Variants in TENM4 observed in about 807,000 individuals in gnomAD.
TENM4 encodes the protein teneurin transmembrane protein 4, also known as teneurin-4.
In TENM4, 82 loss-of-function variants were observed where a neutral mutation model predicts 243.3. That is an observed-to-expected ratio of 0.34 (90% CI 0.28 to 0.40). TENM4 has a LOEUF of 0.40. Ranked by LOEUF, TENM4 falls within the 10% of genes least tolerant of loss-of-function variation. TENM4 has a pLI of 1.00. For synonymous variants in TENM4, 1,412 were observed against 1,456.3 expected (o/e 0.97, Z 0.69); for missense variants, 3,138 against 3,673.3 (o/e 0.85, Z 3.77).
chr11:78,787,171 A>G, intron 15 of TENM4, 88 bp from the exon 16 acceptor site: 1 of 1,402,406 alleles, frequency 7.1e-7, no homozygotes. Flanking sequence ...AGAGAGAAAA[A>G]CAACAAGTAT....
chr11:79,069,642 C>G, intron 5 of TENM4, 80 bp downstream of exon 5: 1 of 1,462,714 alleles, frequency 6.8e-7, no homozygotes, highest in South Asian at 1.4e-5. Context: ...CGCCCACCTG[C>G]GCCACGCCCA....
chr11:78,979,694 T>A (rs1373828742), intron 6 of TENM4, among the ~76,000 whole-genome samples: 3 of 151,834 alleles, frequency 2.0e-5, no homozygotes, highest in African/African-American at 7.3e-5. Context: ...GTACTAAGAG[T>A]TGAGTAAGTT....
chr11:78,805,277 T>TGCCCCCCCCCCCCCCCC lies in TENM4; in HGVS notation c.2179+14_2179+15insGGGGGGGGGGGGGGGGC. The TGCCCCCCCCCCCCCCCC allele has an allele frequency of 4.3e-5, 61 of 1,402,524 alleles. No individual in the cohort carries two copies. The highest frequency in any genetic ancestry group is 5.1e-5 in the Non-Finnish European group (53 of 1,033,092). 86.9% of individuals were successfully genotyped at this position (1,402,524 alleles called of 1,614,324 possible). A position where few individuals can be genotyped will look rare whatever the true frequency, so the allele number is the denominator to read the frequency against. On this transcript the variant is annotated intron_variant, in intron 15 of 33. Transcript: ENST00000278550. ...CCCCTCCCTCTACCCATGCTTCTTC[T>TGCCCCCCCCCCCCCCCC]CCCCCTGCATTTACCGATAGAACAG...
intron 3 of TENM4, among the ~76,000 whole-genome samples, chr11:79,159,365 T>A (rs1355671117): frequency 6.6e-6 from 1 of 152,208 alleles, no homozygotes; most frequent in Non-Finnish European, 1.5e-5. Flanking sequence ...CTAGGTAGCA[T>A]CACCCTTATT....
intron 19 of TENM4, among the ~76,000 whole-genome samples, chr11:78,740,491 CTTT>C (rs1286285175): frequency 1.3e-5 from 2 of 152,194 alleles, no homozygotes; most frequent in East Asian, 3.9e-4. Flanking sequence ...TCAGCAAAGA[CTTT>C]CAATTCTGCT....
chr11:78,774,870 T>C (rs1427199971), intron 17 of TENM4, among the ~76,000 whole-genome samples: 1 of 152,222 alleles, frequency 6.6e-6, no homozygotes, highest in African/African-American at 2.4e-5. Context: ...TTGTGTTAAT[T>C]CACAGAGATG....
chr11:79,098,793 T>C (rs1861150604), intron 4 of TENM4, among the ~76,000 whole-genome samples: 1 of 152,136 alleles, frequency 6.6e-6, no homozygotes, highest in Non-Finnish European at 1.5e-5. Flanking sequence ...ATCAGGAACA[T>C]CATCATCATC....
At chr11:79,210,241 A>C (rs1863931708) in intron 3 of TENM4, among the ~76,000 whole-genome samples, 1 of 152,190 alleles carries the variant, frequency 6.6e-6, no homozygotes, top group Admixed American at 6.5e-5. Context: ...CTGACCATGT[A>C]ATAATCTCTG....
chr11:78,812,513 T>C (rs969125392), intron 13 of TENM4, among the ~76,000 whole-genome samples, 197 bp from the exon 14 acceptor site: 5 of 152,242 alleles, frequency 3.3e-5, no homozygotes, highest in South Asian at 2.1e-4. Flanking sequence ...TTGTAGGTGA[T>C]AGTGCACAGT....
At chr11:79,307,068 T>C (rs1856637832) in intron 1 of TENM4, among the ~76,000 whole-genome samples, 1 of 152,224 alleles carries the variant, frequency 6.6e-6, no homozygotes, top group Non-Finnish European at 1.5e-5. Flanking sequence ...CCACCTGTGC[T>C]CACTGATGAC....
chr11:78,838,719 T>C (rs566034836), intron 12 of TENM4, among the ~76,000 whole-genome samples: 100 of 152,250 alleles, frequency 6.6e-4, no homozygotes, highest in African/African-American at 2.4e-3. Context: ...ATGAGTTCCA[T>C]CCAAAGGGGG....
At chr11:79,020,292 C>T (rs1415487244) in intron 6 of TENM4, among the ~76,000 whole-genome samples, 2 of 152,142 alleles carry the variant, frequency 1.3e-5, no homozygotes, top group Non-Finnish European at 2.9e-5. Flanking sequence ...ATTTTGCAGA[C>T]ACAAAAAGCA....
rs765972604 is a variant in TENM4, at chr11:78,702,112, C to T, written c.4501G>A (p.Gly1501Arg). 1.4e-5 allele frequency: 22 copies of T among 1,613,842 alleles called. No homozygotes were observed. In the South Asian group the frequency reaches 2.3e-4, roughly 17 times the overall value. Reference sequence around the variant, plus strand: ...GCCCCAGCAACGAGTGAGATCTCTCCACTAGTGGTGACCTGCCTGATGCGG... The same window carrying T: ...GCCCCAGCAACGAGTGAGATCTCTCTACTAGTGGTGACCTGCCTGATGCGG... ...INRIRQVTTS[G>R]EISLVAGAPS... Residue 1501 changes from glycine to arginine, a missense_variant, in exon 28 of 34, where the codon GGA becomes AGA. Gly to Arg is a moderately radical substitution (Grantham distance 125). Around this residue, in one of 2 missense-constraint regions of TENM4, gnomAD observed 2,467 missense variants for 3,059.1 expected, o/e 0.81. Coordinates refer to ENST00000278550, the MANE Select transcript of TENM4 (RefSeq NM_001098816.3).
At chr11:78,672,473 G>T in intron 30 of TENM4, 144 bp from the exon 31 acceptor site, 1 of 856,540 alleles carries the variant, frequency 1.2e-6, no homozygotes, top group Non-Finnish European at 1.8e-6. Flanking sequence ...ACATGGGTTT[G>T]AATCCTGGCT....
At chr11:79,288,170 G>A (rs1219898349) in intron 2 of TENM4, among the ~76,000 whole-genome samples, 2 of 152,188 alleles carry the variant, frequency 1.3e-5, no homozygotes, top group African/African-American at 2.4e-5. Flanking sequence ...TGGCCAGCTG[G>A]ACTGGCCACA....
chr11:78,946,669 A>T (rs879493372), intron 6 of TENM4, among the ~76,000 whole-genome samples: 1 of 152,250 alleles, frequency 6.6e-6, no homozygotes, highest in Non-Finnish European at 1.5e-5. Flanking sequence ...AGGATTTACC[A>T]ATCTAAATAC....
intron 1 of TENM4, among the ~76,000 whole-genome samples, chr11:79,407,255 G>A (rs1388014545): frequency 6.6e-6 from 1 of 152,200 alleles, no homozygotes; most frequent in East Asian, 1.9e-4. Context: ...GGATTTAAAA[G>A]TTAGGTCAGT....
intron 6 of TENM4, among the ~76,000 whole-genome samples, chr11:79,040,197 C>T (rs1010481209): frequency 6.6e-6 from 1 of 152,184 alleles, no homozygotes; most frequent in African/African-American, 2.4e-5. Flanking sequence ...GTAACTTTGT[C>T]TCTGAGCTTC....
intron 4 of TENM4, chr11:79,097,805 G>A (rs1861118984): frequency 6.6e-6 from 1 of 150,648 alleles, no homozygotes; most frequent in Non-Finnish European, 1.5e-5. Flanking sequence ...ACTCCTCACT[G>A]AGTTTATATT....
Sources: gnomAD v4.1 joint callset for allele counts (sites outside exome capture counted in the v4.1 genomes callset) on GRCh38, gnomAD v4.1.1 for gene constraint, gnomAD v4.1.1 regional missense constraint, MANE v1.5 for transcripts, NCBI Gene and HGNC (gene_info 2026-07-23, HGNC 2026-07-21) for gene names.